ABCC1: variants seen among roughly 807,000 people sequenced by gnomAD.
The protein encoded by ABCC1 is multidrug resistance-associated protein 1.
Under a neutral mutation model 172.9 loss-of-function variants are expected in ABCC1, and 83 were observed. The observed-to-expected ratio is 0.48, with a 90% CI of 0.40 to 0.58. The LOEUF (loss-of-function observed/expected upper bound fraction) is 0.58, where lower values mean the gene tolerates loss of function less well. ABCC1 is among the 20% of genes least tolerant of loss of function. The pLI, the probability that ABCC1 is intolerant of heterozygous loss-of-function variation, is 0.00. For synonymous variants in ABCC1, 937 were observed against 825.2 expected (o/e 1.14, Z -2.32); for missense variants, 1,817 against 2,002.7 (o/e 0.91, Z 1.77).
Position 16,015,209 on chromosome 16 carries a change from G to A in ABCC1, c.489+581G>A, listed in dbSNP as rs569383527. 1.0e-4 allele frequency among the ~76,000 whole-genome samples: 15 copies of A among 149,768 alleles called. No individual in the cohort carries two copies. The South Asian group carries it at 2.9e-3, about 29-fold the overall frequency. The stretch of plus-strand genomic sequence containing the variant: ...GGCTGGAGTGCAGTGGCACGATCTA[G>A]GCTCACTGTAACTTCTACCTCCTAT... On this transcript the variant is annotated intron_variant, in intron 4 of 30. Transcript: ENST00000399410.
chr16:16,075,376 G>A (rs1242590921), intron 14 of ABCC1, among the ~76,000 whole-genome samples: 1 of 151,826 alleles, frequency 6.6e-6, no homozygotes, highest in Non-Finnish European at 1.5e-5. Context: ...TGTAATCCCG[G>A]CACTTTGGAA....
chr16:15,956,297 G>A (rs1052079159), intron 1 of ABCC1, among the ~76,000 whole-genome samples: 4 of 151,772 alleles, frequency 2.6e-5, no homozygotes, highest in South Asian at 2.1e-4. Flanking sequence ...CCTGGTAGGC[G>A]GACACTGCAG....
intron 11 of ABCC1, among the ~76,000 whole-genome samples, chr16:16,055,261 T>A (rs950067408): frequency 2.0e-5 from 3 of 150,530 alleles, no homozygotes; most frequent in Non-Finnish European, 4.4e-5. Flanking sequence ...TGACAAGAAA[T>A]AAGAAAACAG....
chr16:16,069,337 A>G (rs2151952857), intron 13 of ABCC1, among the ~76,000 whole-genome samples: 1 of 151,768 alleles, frequency 6.6e-6, no homozygotes, highest in Non-Finnish European at 1.5e-5. Context: ...TCTCACCACT[A>G]CACTCCAGCC....
chr16:16,134,294 A>G, intron 27 of ABCC1, 56 bp from the exon 28 acceptor site: 1 of 1,603,866 alleles, frequency 6.2e-7, no homozygotes, highest in Non-Finnish European at 8.5e-7. Flanking sequence ...ACTTTGGGGC[A>G]GGGACAAGTC....
chr16:15,992,552 C>A lies in ABCC1; in HGVS notation c.49-15264C>A, dbSNP rs7188711. On this transcript the variant is annotated intron_variant, in intron 1 of 30. Transcript: ENST00000399410. ...GTAGCTGGGATTATAGGCACAATGGCACCGTGCCTGGCTAATTTTTGTATT... is the reference window on the plus strand; with the variant it reads ...GTAGCTGGGATTATAGGCACAATGGAACCGTGCCTGGCTAATTTTTGTATT... Among the ~76,000 whole-genome samples the A allele has an allele frequency of 9.3e-3, 1,419 of 152,178 alleles. 30 individuals are homozygous for A. Among genetic ancestry groups the A allele is most frequent in the African/African-American group, 0.032 (1,346 of 41,534 alleles).
At chr16:16,098,043 G>A (rs1381997670) in intron 19 of ABCC1, 1 of 152,302 alleles carries the variant, frequency 6.6e-6, no homozygotes, top group Non-Finnish European at 1.5e-5. Context: ...CAGAGAAGGA[G>A]CCCCCATCCC....
At position 16,083,450 on chromosome 16, in the gene ABCC1, G is replaced by A. The variant is rs751343667; in HGVS notation, c.2200G>A (p.Glu734Lys). 3 of 1,613,968 alleles carry A rather than the reference G, an allele frequency of 1.9e-6. No homozygotes were observed. The highest frequency in any genetic ancestry group is 2.5e-6 in the Non-Finnish European group (3 of 1,180,038). Residue 734 changes from glutamate (E) to lysine (K), a missense_variant, in exon 17 of 31, where the codon GAA becomes AAA. By Grantham distance (56) the Glu-to-Lys change is moderately conservative. Transcript: ENST00000399410. ...CATCCTTTTTGGATGTCAGCTGGAGGAACCATATTACAGGTCCGTGATACA... is the reference window on the plus strand; with the variant it reads ...CATCCTTTTTGGATGTCAGCTGGAGAAACCATATTACAGGTCCGTGATACA... ...ENILFGCQLEEPYYRSVIQAC... is the reference protein window; with the variant it reads ...ENILFGCQLEKPYYRSVIQAC...
At chr16:15,970,705 A>T (rs1162340921) in intron 1 of ABCC1, among the ~76,000 whole-genome samples, 1 of 152,208 alleles carries the variant, frequency 6.6e-6, no homozygotes, top group East Asian at 1.9e-4. Context: ...CTCCTTGCTT[A>T]GGCATTAGCT....
At chr16:15,971,801 C>T (rs914460907) in intron 1 of ABCC1, among the ~76,000 whole-genome samples, 11 of 152,188 alleles carry the variant, frequency 7.2e-5, no homozygotes, top group East Asian at 3.9e-4. Context: ...GATACGGCTC[C>T]GATGAGTGGG....
chr16:16,098,304 G>C (rs538884340), intron 19 of ABCC1: 3 of 163,802 alleles, frequency 1.8e-5, no homozygotes, highest in East Asian at 1.6e-4. Context: ...TATTTGTTTA[G>C]CTCTATTTAT....
chr16:16,080,547 C>T (rs768402592), intron 16 of ABCC1, among the ~76,000 whole-genome samples: 4 of 152,172 alleles, frequency 2.6e-5, no homozygotes, highest in African/African-American at 7.2e-5. Flanking sequence ...TGTAACGACA[C>T]GTCCCTGGAA....
intron 1 of ABCC1, among the ~76,000 whole-genome samples, chr16:15,957,691 G>A (rs761417159): frequency 3.0e-4 from 46 of 152,134 alleles, no homozygotes; most frequent in Non-Finnish European, 5.7e-4. Flanking sequence ...TGCCTCCTGG[G>A]TTCAAGCAAT....
At position 16,068,262 on chromosome 16, in the gene ABCC1, C is replaced by T; in HGVS notation, c.1784C>T (p.Pro595Leu). 2 of 1,614,162 alleles carry T rather than the reference C, an allele frequency of 1.2e-6. No individual in the cohort carries two copies. The highest frequency in any genetic ancestry group is 1.1e-5 in the South Asian group (1 of 91,074). Residue 595 changes from proline to leucine, a missense_variant, in exon 13 of 31, where the codon CCC (proline) becomes CTC (leucine). Transcript: ENST00000399410. ...SLALFNILRF[P>L]LNILPMVISS... ...GCCTTGTTCAACATCCTCCGGTTTC[C>T]CCTGAACATTCTCCCCATGGTCATC...
At chr16:16,038,524 C>T (rs779551241) in intron 7 of ABCC1, among the ~76,000 whole-genome samples, 4 of 152,086 alleles carry the variant, frequency 2.6e-5, no homozygotes, top group Admixed American at 6.6e-5. Flanking sequence ...TTGTTGTGTC[C>T]GGACCCTCTG....
chr16:15,990,766 C>T (rs924041982), intron 1 of ABCC1, among the ~76,000 whole-genome samples: 2 of 151,866 alleles, frequency 1.3e-5, no homozygotes, highest in Non-Finnish European at 2.9e-5. Flanking sequence ...CCTCCTGCCT[C>T]AGCCTCCCGA....
In ABCC1 at chr16:16,090,391, C is replaced by A; in HGVS notation, c.2461-14C>A. ...ATGTGCACTCACGTGGCCGGGTGTC[C>A]CCTTTGCCCACAGACGCGGATCTTG... On this transcript the variant is annotated splice_polypyrimidine_tract_variant and intron_variant, in intron 18 of 30. Coordinates refer to ENST00000399410, the MANE Select transcript of ABCC1 (RefSeq NM_004996.4). 1 of 1,572,026 alleles carries A rather than the reference C, an allele frequency of 6.4e-7. No homozygotes were observed. Among genetic ancestry groups the A allele is most frequent in the East Asian group, 2.3e-5 (1 of 43,998 alleles).
intron 7 of ABCC1, among the ~76,000 whole-genome samples, chr16:16,037,472 T>G (rs1252073071): frequency 1.3e-5 from 2 of 149,930 alleles, no homozygotes; most frequent in African/African-American, 5.0e-5. Context: ...GTTATTATTC[T>G]ATGTAACAGT....
intron 1 of ABCC1, among the ~76,000 whole-genome samples, chr16:16,002,045 C>T (rs997688330): frequency 6.6e-6 from 1 of 152,174 alleles, no homozygotes; most frequent in African/African-American, 2.4e-5. Flanking sequence ...AACACTCTTG[C>T]TTGAGTGTGA....
Sources: allele counts gnomAD v4.1 joint callset (sites outside exome capture counted in the v4.1 genomes callset), GRCh38; gene constraint gnomAD v4.1.1; transcripts MANE v1.5; gene names NCBI Gene and HGNC (gene_info 2026-07-23, HGNC 2026-07-21).